The following SNTG1 variants were observed in gnomAD, a reference collection of about 807,000 sequenced individuals.
The protein encoded by SNTG1 is syntrophin gamma 1.
A neutral mutation model predicts 74.7 loss-of-function variants in SNTG1; 39 were observed. That is an observed-to-expected ratio of 0.52 (90% CI 0.40 to 0.68). The LOEUF (loss-of-function observed/expected upper bound fraction) is 0.68. Ranked by LOEUF, SNTG1 falls within the 30% of genes least tolerant of loss-of-function variation. The pLI is 0.00. For missense variants in SNTG1, 685 were observed against 609.5 expected (o/e 1.12, Z -1.30); for synonymous variants, 254 against 217.1 (o/e 1.17, Z -1.49).
At chr8:50,228,233 G>T (rs573841868) in intron 2 of SNTG1, among the ~76,000 whole-genome samples, 2 of 151,606 alleles carry the variant, frequency 1.3e-5, no homozygotes, top group African/African-American at 2.4e-5. Flanking sequence ...AAAATATTAC[G>T]AAACTAAAAT....
chr8:50,513,838 G>A (rs1027690352), intron 9 of SNTG1, among the ~76,000 whole-genome samples: 3 of 152,190 alleles, frequency 2.0e-5, no homozygotes, highest in African/African-American at 4.8e-5. Flanking sequence ...CTAGGAAAGG[G>A]AATTCCCTGA....
chr8:50,273,772 G>A (rs1040467743), intron 2 of SNTG1, among the ~76,000 whole-genome samples: 3 of 152,144 alleles, frequency 2.0e-5, no homozygotes, highest in African/African-American at 7.2e-5. Flanking sequence ...ATGAGTTTTG[G>A]ACTGGTATGT....
intron 13 of SNTG1, among the ~76,000 whole-genome samples, chr8:50,648,971 G>A (rs767248191): frequency 3.3e-5 from 5 of 152,056 alleles, no homozygotes; most frequent in Non-Finnish European, 7.4e-5. Context: ...TCATATATAT[G>A]TATGACTCTA....
chr8:50,146,190 C>T (rs1563656213), intron 1 of SNTG1, among the ~76,000 whole-genome samples: 1 of 151,826 alleles, frequency 6.6e-6, no homozygotes, highest in East Asian at 1.9e-4. Context: ...TGTGTGTGAA[C>T]ATGCTTTCAA....
At chr8:50,686,549 T>C (rs1467541194) in intron 15 of SNTG1, among the ~76,000 whole-genome samples, 1 of 152,076 alleles carries the variant, frequency 6.6e-6, no homozygotes, top group Admixed American at 6.6e-5. Flanking sequence ...AACTCAGAAA[T>C]AAAGAATTAA....
intron 15 of SNTG1, among the ~76,000 whole-genome samples, chr8:50,669,020 T>C (rs1221011602): frequency 6.6e-6 from 1 of 152,026 alleles, no homozygotes; most frequent in African/African-American, 2.4e-5. Context: ...AAAGAATCTC[T>C]GGGACACATT....
intron 13 of SNTG1, among the ~76,000 whole-genome samples, chr8:50,602,823 G>A (rs945688805): frequency 6.6e-5 from 10 of 151,108 alleles, no homozygotes; most frequent in Non-Finnish European, 8.8e-5. Context: ...TAAACATGCT[G>A]TGCTAGCCTC....
At chr8:50,518,736 C>T (rs980105007) in intron 9 of SNTG1, among the ~76,000 whole-genome samples, 3 of 151,998 alleles carry the variant, frequency 2.0e-5, no homozygotes, top group Non-Finnish European at 4.4e-5. Context: ...ACACATACAC[C>T]CTCCCAAGAC....
chr8:49,934,660 A>T (rs1807895349), intron 1 of SNTG1, among the ~76,000 whole-genome samples: 1 of 152,224 alleles, frequency 6.6e-6, no homozygotes, highest in Non-Finnish European at 1.5e-5. Flanking sequence ...AATAATTGCC[A>T]TTGTCATGAT....
chr8:49,957,053 G>T (rs752615865), intron 1 of SNTG1, among the ~76,000 whole-genome samples: 1 of 152,182 alleles, frequency 6.6e-6, no homozygotes, highest in Non-Finnish European at 1.5e-5. Flanking sequence ...TTAGTTACAA[G>T]ATGAGTAAGT....
chr8:50,206,001 TGA>T (rs1247276482), intron 2 of SNTG1, among the ~76,000 whole-genome samples: 3 of 152,196 alleles, frequency 2.0e-5, no homozygotes, highest in African/African-American at 7.2e-5. Context: ...TCAGGTAGTG[TGA>T]TGCCTCCAGC....
Position 50,449,811 on chromosome 8 carries a change from A to T in SNTG1, c.277+86A>T, listed in dbSNP as rs558704729. ...AGATGATATTCAAGAATCCTAAATTACAATGTGATTGACTGGCTCCAGCTT... is the reference window on the plus strand; with the variant it reads ...AGATGATATTCAAGAATCCTAAATTTCAATGTGATTGACTGGCTCCAGCTT... On this transcript the variant is annotated intron_variant, in intron 6 of 18. Transcript: ENST00000642720. 2.8e-5 allele frequency: 33 copies of T among 1,177,246 alleles called. No homozygotes were observed. The Admixed American group carries it at 4.4e-4, about 16-fold the overall frequency. 72.9% of individuals were successfully genotyped at this position (1,177,246 alleles called of 1,614,324 possible).
chr8:50,605,597 A>G (rs935922863), intron 13 of SNTG1, among the ~76,000 whole-genome samples: 3 of 151,322 alleles, frequency 2.0e-5, no homozygotes, highest in African/African-American at 7.3e-5. Flanking sequence ...TCTTCACACC[A>G]TGAAGCCACT....
intron 8 of SNTG1, among the ~76,000 whole-genome samples, chr8:50,475,605 C>T (rs777684626): frequency 1.2e-4 from 19 of 152,086 alleles, no homozygotes; most frequent in Non-Finnish European, 1.9e-4. Flanking sequence ...ATCTCTTTAC[C>T]GGCCTCCCAG....
rs139402512 is a variant in SNTG1, at chr8:50,178,409, GCACA to G, written c.-28+5789_-28+5792del. ...TCTCTCTCTTCACACACGTGCGCGC[GCACA>G]CACACACACACACAGGGATAGTTTA... On this transcript the variant is annotated intron_variant, in intron 2 of 18. Transcript: ENST00000642720. Among the ~76,000 whole-genome samples the G allele has an allele frequency of 1.1e-3, 154 of 144,382 alleles. 2 individuals carry two copies. The highest frequency in any genetic ancestry group is 3.8e-3 in the African/African-American group (150 of 39,104). 94.7% of individuals were successfully genotyped at this position (144,382 alleles called of 152,430 possible). A position where few individuals can be genotyped will look rare whatever the true frequency, so the allele number is the denominator to read the frequency against.
chr8:50,416,781 G>A (rs937350707), intron 4 of SNTG1, among the ~76,000 whole-genome samples: 5 of 152,016 alleles, frequency 3.3e-5, no homozygotes, highest in Non-Finnish European at 5.9e-5. Context: ...GTGATTTAAT[G>A]CTAAGATCTG....
At chr8:50,738,368 C>G (rs2095534257) in intron 17 of SNTG1, among the ~76,000 whole-genome samples, 1 of 152,102 alleles carries the variant, frequency 6.6e-6, no homozygotes, top group East Asian at 1.9e-4. Context: ...TGAAGGACCT[C>G]TTCAAAGAGA....
chr8:50,382,566 G>A (rs79126912), intron 2 of SNTG1, among the ~76,000 whole-genome samples: 7,661 of 152,136 alleles, frequency 0.05, 255 homozygotes, highest in Non-Finnish European at 0.071. Flanking sequence ...GGTAGCTCAC[G>A]GAATCCAGAT....
intron 2 of SNTG1, among the ~76,000 whole-genome samples, chr8:50,278,293 C>G (rs929410929): frequency 4.6e-5 from 7 of 152,126 alleles, no homozygotes; most frequent in African/African-American, 1.4e-4. Context: ...TAATATTTTT[C>G]AAAGACAAAG....
Sources: allele counts gnomAD v4.1 joint callset (sites outside exome capture counted in the v4.1 genomes callset), GRCh38; gene constraint gnomAD v4.1.1; transcripts MANE v1.5; gene names NCBI Gene and HGNC (gene_info 2026-07-23, HGNC 2026-07-21).